Variants in KIF5C observed in about 807,000 individuals in gnomAD.
The protein encoded by KIF5C is kinesin family member 5C, also known as kinesin heavy chain isoform 5C.
Under a neutral mutation model 125.2 loss-of-function variants are expected in KIF5C, and 18 were observed. That is an observed-to-expected ratio of 0.14 (90% CI 0.10 to 0.21). The LOEUF is 0.21. KIF5C is among the 10% of genes least tolerant of loss of function. KIF5C has a pLI of 1.00. For missense variants in KIF5C, 780 were observed against 1,183.8 expected (o/e 0.66, Z 5.01); for synonymous variants, 405 against 434.0 (o/e 0.93, Z 0.83).
chr2:149,003,161 A>G (rs1364482634), intron 21 of KIF5C, among the ~76,000 whole-genome samples: 1 of 152,168 alleles, frequency 6.6e-6, no homozygotes, highest in Non-Finnish European at 1.5e-5. Context: ...TTAGACTCGG[A>G]TGTTTTCACT....
intron 10 of KIF5C, among the ~76,000 whole-genome samples, chr2:148,955,638 TATATA>T (rs1682773623): frequency 6.6e-6 from 1 of 151,894 alleles, no homozygotes; most frequent in African/African-American, 2.4e-5. Context: ...TACAATAGGA[TATATA>T]ATATATTATC....
intron 1 of KIF5C, among the ~76,000 whole-genome samples, chr2:148,907,895 A>G (rs566319469): frequency 6.6e-6 from 1 of 152,372 alleles, no homozygotes; most frequent in South Asian, 2.1e-4. Flanking sequence ...CAGGCTGTCC[A>G]GAGTAAAAGC....
chr2:148,968,162 T>A (rs1419552747), intron 11 of KIF5C, among the ~76,000 whole-genome samples: 1 of 152,236 alleles, frequency 6.6e-6, no homozygotes, highest in East Asian at 1.9e-4. Context: ...CAGATTTTCT[T>A]CTCTTGAATA....
chr2:148,903,709 C>A lies in KIF5C; in HGVS notation c.127-18428C>A, dbSNP rs576382095. 1.6e-4 allele frequency among the ~76,000 whole-genome samples: 25 copies of A among 152,292 alleles called. No homozygotes were observed. The South Asian group carries it at 1.9e-3, about 11-fold the overall frequency. On this transcript the variant is annotated intron_variant, in intron 1 of 25. Transcript: ENST00000435030. ...GCTGCAGTATTATTATCATCCTCAC[C>A]TGAGCTCAGAGAGCTGCGATAACTT...
chr2:148,983,337 T>C (rs947085731), intron 14 of KIF5C, among the ~76,000 whole-genome samples: 13 of 152,194 alleles, frequency 8.5e-5, no homozygotes, highest in African/African-American at 3.1e-4. Flanking sequence ...ATGTTATAAA[T>C]TTAAGGACTT....
intron 1 of KIF5C, among the ~76,000 whole-genome samples, chr2:148,912,708 C>CA (rs1439481022): frequency 6.6e-6 from 1 of 152,226 alleles, no homozygotes; most frequent in Non-Finnish European, 1.5e-5. Context: ...TACGGGCTCC[C>CA]AAAGTACTGG....
chr2:149,015,429 G>A (rs1574839905), intron 25 of KIF5C, among the ~76,000 whole-genome samples: 1 of 152,170 alleles, frequency 6.6e-6, no homozygotes, highest in Non-Finnish European at 1.5e-5. Flanking sequence ...TCATTCTGAA[G>A]TATCTCTTCC....
intron 16 of KIF5C, among the ~76,000 whole-genome samples, chr2:148,992,521 G>C (rs955311513): frequency 6.6e-6 from 1 of 152,100 alleles, no homozygotes; most frequent in Non-Finnish European, 1.5e-5. Context: ...AAAATAAATT[G>C]CCCAAATATC....
intron 11 of KIF5C, among the ~76,000 whole-genome samples, chr2:148,972,323 G>A (rs1680939486): frequency 6.6e-6 from 1 of 152,154 alleles, no homozygotes; most frequent in Non-Finnish European, 1.5e-5. Flanking sequence ...CTGGGGTGAG[G>A]CTTGGAATAC....
intron 11 of KIF5C, among the ~76,000 whole-genome samples, chr2:148,965,484 G>T (rs1683028306): frequency 6.6e-6 from 1 of 152,124 alleles, no homozygotes; most frequent in Non-Finnish European, 1.5e-5. Flanking sequence ...GTTCTTAAAG[G>T]TAGAGAACTG....
intron 22 of KIF5C, among the ~76,000 whole-genome samples, chr2:149,006,891 GA>G: frequency 6.6e-6 from 1 of 152,226 alleles, no homozygotes. Flanking sequence ...GAAGGAGGTG[GA>G]AGCCATGACC....
intron 11 of KIF5C, among the ~76,000 whole-genome samples, chr2:148,969,514 C>T (rs1680844786): frequency 6.7e-6 from 1 of 149,174 alleles, no homozygotes; most frequent in African/African-American, 2.5e-5. Flanking sequence ...AGCTCTTTTC[C>T]TATAGACAGC....
intron 23 of KIF5C, among the ~76,000 whole-genome samples, chr2:149,008,549 C>A (rs1423719760): frequency 6.6e-6 from 1 of 152,230 alleles, no homozygotes; most frequent in African/African-American, 2.4e-5. Context: ...CTCTGCTCAG[C>A]TGCCCATTCC....
chr2:149,013,072 A>T (rs1258866903), intron 25 of KIF5C, among the ~76,000 whole-genome samples: 3 of 152,202 alleles, frequency 2.0e-5, no homozygotes, highest in South Asian at 4.1e-4. Flanking sequence ...TTGTCTTTTT[A>T]ACCAAGTACT....
chr2:148,919,588 G>T (rs1258747655), intron 1 of KIF5C, among the ~76,000 whole-genome samples: 1 of 152,256 alleles, frequency 6.6e-6, no homozygotes, highest in East Asian at 1.9e-4. Context: ...TCTCAATCAG[G>T]ATTTGTGAGA....
chr2:149,006,399 G>A (rs1273628072), intron 22 of KIF5C, among the ~76,000 whole-genome samples: 3 of 152,126 alleles, frequency 2.0e-5, no homozygotes, highest in African/African-American at 4.8e-5. Context: ...TGGAAGGATC[G>A]GCAGGGAAAT....
intron 23 of KIF5C, 43 bp downstream of exon 23, chr2:149,008,110 C>A (rs748950725): frequency 6.4e-7 from 1 of 1,562,528 alleles, no homozygotes; most frequent in South Asian, 1.2e-5. Flanking sequence ...CCTCCTCTCT[C>A]CTGGAAAGAA....
intron 8 of KIF5C, among the ~76,000 whole-genome samples, chr2:148,949,495 G>A (rs928769873): frequency 3.3e-5 from 5 of 152,146 alleles, no homozygotes; most frequent in Admixed American, 6.5e-5. Flanking sequence ...TCGGCATGGG[G>A]ACTGCGGCTC....
At chr2:149,018,007 G>A (rs56149977) in intron 25 of KIF5C, among the ~76,000 whole-genome samples, 65,104 of 152,040 alleles carry the variant, frequency 0.43, 16,120 homozygotes, top group South Asian at 0.54. Context: ...GTGTGTCGTG[G>A]TGTGACTCAA....
Sources: allele counts gnomAD v4.1 joint callset (sites outside exome capture counted in the v4.1 genomes callset), GRCh38; gene constraint gnomAD v4.1.1; transcripts MANE v1.5; gene names NCBI Gene and HGNC (gene_info 2026-07-23, HGNC 2026-07-21).